The following KMT2C variants were observed in gnomAD, a reference collection of about 807,000 sequenced individuals.
KMT2C encodes lysine methyltransferase 2C.
In KMT2C, 88 loss-of-function variants were observed where a neutral mutation model predicts 507.9. The observed-to-expected ratio is 0.17, with a 90% CI of 0.15 to 0.21. KMT2C has a LOEUF of 0.21. Among genes scored for constraint, KMT2C ranks in the 10% least tolerant of loss-of-function variants. The pLI, the probability that KMT2C is intolerant of heterozygous loss-of-function variation, is 1.00. For missense variants in KMT2C, 4,954 were observed against 5,957.8 expected, an observed-to-expected ratio of 0.83 and a Z score of 5.55; for synonymous variants, 2,049 against 2,080.8, an observed-to-expected ratio of 0.98 and a Z score of 0.42.
intron 39 of KMT2C, among the ~76,000 whole-genome samples, chr7:152,172,635 G>A (rs1367962902): frequency 1.3e-5 from 2 of 152,208 alleles, no homozygotes; most frequent in African/African-American, 4.8e-5. Flanking sequence ...GGTGAAGGCT[G>A]CAGTGAGCCA....
rs571543770 is a variant in KMT2C at position 152,176,793 on chromosome 7, G to C, written c.8660C>G (p.Ala2887Gly). Residue 2887 changes from alanine to glycine, a missense_variant, in exon 38 of 59, where the codon GCT (alanine) becomes GGT (glycine). By Grantham distance (60) the Ala-to-Gly change is moderately conservative. Around this residue, in one of 29 missense-constraint regions of KMT2C, gnomAD observed 1,689 missense variants for 1,654.3 expected, o/e 1.02. Coordinates refer to ENST00000262189, the MANE Select transcript of KMT2C (RefSeq NM_170606.3). ...CTGAATGACATTTGCACTGGGGCCAGCAGTTTCTCGATTGGTTCTTTTCTC... is the reference window on the plus strand; with the variant it reads ...CTGAATGACATTTGCACTGGGGCCACCAGTTTCTCGATTGGTTCTTTTCTC... Reference protein sequence around the residue: ...LFEKRTNRETAGPSANVIQAS... With the variant: ...LFEKRTNRETGGPSANVIQAS... 59 of 1,614,080 alleles carry C rather than the reference G, an allele frequency of 3.7e-5. No homozygotes were observed. The highest frequency in any genetic ancestry group is 4.7e-5 in the Non-Finnish European group (56 of 1,180,048).
intron 13 of KMT2C, among the ~76,000 whole-genome samples, 178 bp downstream of exon 13, chr7:152,249,698 A>AAC (rs2095533647): frequency 6.6e-6 from 1 of 150,552 alleles, no homozygotes; most frequent in African/African-American, 2.5e-5. Context: ...AAAAAAAAAA[A>AAC]ACCTTTCAAG....
chr7:152,417,333 GTC>G (rs1231510242), intron 1 of KMT2C, among the ~76,000 whole-genome samples: 1 of 152,064 alleles, frequency 6.6e-6, no homozygotes, highest in Non-Finnish European at 1.5e-5. Context: ...GGTCAGGCTG[GTC>G]TCGAACTCCT....
chr7:152,319,631 C>G (rs908201614), intron 3 of KMT2C, among the ~76,000 whole-genome samples: 2 of 152,034 alleles, frequency 1.3e-5, no homozygotes, highest in Admixed American at 6.6e-5. Flanking sequence ...GGCCTGACAT[C>G]AGTCAGGCCC....
chr7:152,187,556 C>T (rs2093662711), intron 32 of KMT2C, 80 bp from the exon 33 acceptor site: 2 of 1,432,154 alleles, frequency 1.4e-6, no homozygotes, highest in African/African-American at 2.9e-5. Flanking sequence ...TTCATTAAAA[C>T]CTATTACAAA....
At chr7:152,193,003 C>A (rs1366077367) in intron 31 of KMT2C, among the ~76,000 whole-genome samples, 1 of 152,010 alleles carries the variant, frequency 6.6e-6, no homozygotes, top group Non-Finnish European at 1.5e-5. Context: ...GTGAGACCCC[C>A]ACCTCTGCAA....
At chr7:152,263,505 A>G (rs2095814158) in intron 8 of KMT2C, among the ~76,000 whole-genome samples, 1 of 152,192 alleles carries the variant, frequency 6.6e-6, no homozygotes, top group African/African-American at 2.4e-5. Context: ...TTGAAAAGAC[A>G]CTGTCGTATA....
rs796570988 is a variant in KMT2C, at chr7:152,285,216, A to G, written c.850-11349T>C. On this transcript the variant is annotated intron_variant, in intron 6 of 58. Coordinates refer to ENST00000262189, the MANE Select transcript of KMT2C (RefSeq NM_170606.3). ...GCTAAGTAAAAAAAGGCAGACAGAA[A>G]AGATTCTATACTGTATGGTTCCATT... Among the ~76,000 whole-genome samples the G allele has an allele frequency of 1.5e-4, 23 of 150,032 alleles. No homozygotes were observed. In the South Asian group the frequency reaches 4.7e-3, roughly 31 times the overall value.
At chr7:152,383,673 G>A (rs533643780) in intron 1 of KMT2C, among the ~76,000 whole-genome samples, 51 of 152,046 alleles carry the variant, frequency 3.4e-4, no homozygotes, top group Non-Finnish European at 6.8e-4. Context: ...GACTGTTTAG[G>A]TTCAATCCCA....
At chr7:152,408,456 A>C (rs62494128) in intron 1 of KMT2C, among the ~76,000 whole-genome samples, 4,841 of 106,198 alleles carry the variant, frequency 0.046, no homozygotes, top group African/African-American at 0.081. Context: ...CCCCCCACCT[A>C]TAGCTGCAGA....
intron 1 of KMT2C, among the ~76,000 whole-genome samples, chr7:152,423,549 T>G (rs2097791707): frequency 6.6e-6 from 1 of 152,180 alleles, no homozygotes; most frequent in Middle Eastern, 3.2e-3. Context: ...CAAGGAATCT[T>G]AGGGCAAAGG....
intron 6 of KMT2C, among the ~76,000 whole-genome samples, chr7:152,290,294 ATTTTTTTTTTTTTT>A (rs869073980): frequency 3.5e-3 from 74 of 21,376 alleles, no homozygotes; most frequent in African/African-American, 0.012. Flanking sequence ...ATATATATAT[ATTTTTTTTTTTTTT>A]TTTTTTTTTT....
chr7:152,220,926 G>C lies in KMT2C; in HGVS notation c.3500-191C>G, dbSNP rs562170070. ...TATGAACAATAGGTCAAATTTCCTT[G>C]GATTACAGGCAGAAAGGTTGCATGT... On this transcript the variant is annotated intron_variant, in intron 22 of 58. Transcript: ENST00000262189. 1.5e-4 allele frequency among the ~76,000 whole-genome samples: 23 copies of C among 152,260 alleles called. No individual in the cohort carries two copies. The East Asian group carries it at 4.2e-3, about 28-fold the overall frequency.
intron 6 of KMT2C, among the ~76,000 whole-genome samples, chr7:152,300,051 C>A (rs1307938655): frequency 6.6e-6 from 1 of 152,138 alleles, no homozygotes; most frequent in African/African-American, 2.4e-5. Context: ...TTACAAAGTT[C>A]TTTTGTATAA....
rs532510945 is a variant in KMT2C, at chr7:152,317,889, C to T, written c.390-2551G>A. Among the ~76,000 whole-genome samples, 9 of 152,246 alleles carry T rather than the reference C, an allele frequency of 5.9e-5. No homozygotes were observed. The South Asian group carries it at 1.7e-3, about 28-fold the overall frequency. On this transcript the variant is annotated intron_variant, in intron 3 of 58. Transcript: ENST00000262189. ...GGCATGGTGGCTCACACCTGTAATCCCAGCACTTTGGGAGGCCGAGACGGG... is the reference window on the plus strand; with the variant it reads ...GGCATGGTGGCTCACACCTGTAATCTCAGCACTTTGGGAGGCCGAGACGGG...
At chr7:152,357,992 C>G (rs1353104614) in intron 2 of KMT2C, among the ~76,000 whole-genome samples, 1 of 152,190 alleles carries the variant, frequency 6.6e-6, no homozygotes, top group African/African-American at 2.4e-5. Flanking sequence ...CTATCTCCTA[C>G]AGGTATCCTC....
chr7:152,370,738 T>C (rs966182354), intron 1 of KMT2C, among the ~76,000 whole-genome samples: 3 of 152,238 alleles, frequency 2.0e-5, no homozygotes, highest in Admixed American at 2.0e-4. Flanking sequence ...TCTACCATGT[T>C]AGAAGTCTAA....
intron 6 of KMT2C, among the ~76,000 whole-genome samples, chr7:152,294,295 G>C (rs1309452809): frequency 1.3e-5 from 2 of 152,086 alleles, no homozygotes; most frequent in African/African-American, 4.8e-5. Context: ...TTAATTTTTT[G>C]ATGCCTTCCT....
At chr7:152,289,673 TTA>T (rs1431963239) in intron 6 of KMT2C, among the ~76,000 whole-genome samples, 1 of 152,202 alleles carries the variant, frequency 6.6e-6, no homozygotes, top group Admixed American at 6.5e-5. Flanking sequence ...TTTGAAAAAC[TTA>T]TATCCAACAA....
Sources: gnomAD v4.1 joint callset for allele counts (sites outside exome capture counted in the v4.1 genomes callset) on GRCh38, gnomAD v4.1.1 for gene constraint, gnomAD v4.1.1 regional missense constraint, MANE v1.5 for transcripts, NCBI Gene and HGNC (gene_info 2026-07-23, HGNC 2026-07-21) for gene names.